EYS: variants seen among roughly 807,000 people sequenced by gnomAD.
The protein encoded by EYS is EGF-like photoreceptor maintenance factor, also known as protein eyes shut homolog.
A neutral mutation model predicts 282.1 loss-of-function variants in EYS; 250 were observed. The observed-to-expected ratio is 0.89, with a 90% CI of 0.80 to 0.98. The LOEUF is 0.98. Ranked by LOEUF, EYS falls within the 50% of genes least tolerant of loss-of-function variation. The probability of loss-of-function intolerance (pLI) is 0.00; values close to 1 mark genes in which losing one functional copy is unlikely to be tolerated. For missense variants in EYS, 4,016 were observed against 3,709.0 expected (o/e 1.08, Z -2.15); for synonymous variants, 1,355 against 1,282.9 (o/e 1.06, Z -1.20).
intron 12 of EYS, among the ~76,000 whole-genome samples, chr6:65,268,254 TA>T (rs1767809776): frequency 6.6e-6 from 1 of 152,086 alleles, no homozygotes; most frequent in African/African-American, 2.4e-5. Flanking sequence ...CAATTTAAGA[TA>T]TTTGATTTCC....
chr6:65,619,841 T>G (rs1766397447), intron 2 of EYS, among the ~76,000 whole-genome samples: 1 of 150,852 alleles, frequency 6.6e-6, no homozygotes, highest in African/African-American at 2.4e-5. Context: ...GTTCTGTTTA[T>G]ATGCTGGATT....
At chr6:65,513,541 A>G (rs897922002) in intron 2 of EYS, among the ~76,000 whole-genome samples, 17 of 152,218 alleles carry the variant, frequency 1.1e-4, no homozygotes, top group East Asian at 3.9e-4. Flanking sequence ...AAAATCCTCA[A>G]TAAAATACTG....
rs528994670 is a variant in EYS, at chr6:64,318,052, T to C, written c.6079-10970A>G. 3.9e-5 allele frequency among the ~76,000 whole-genome samples: 6 copies of C among 152,016 alleles called. No homozygotes were observed. In the East Asian group the frequency reaches 5.8e-4, roughly 15 times the overall value. On this transcript the variant is annotated intron_variant, in intron 29 of 42. Coordinates refer to ENST00000503581, the MANE Select transcript of EYS (RefSeq NM_001142800.2). ...AGGGGGTGGGGGCCTCGGGGAGGAATAGCATTGGGAGAAATATCTAAAGTT... is the reference window on the plus strand; with the variant it reads ...AGGGGGTGGGGGCCTCGGGGAGGAACAGCATTGGGAGAAATATCTAAAGTT...
chr6:64,878,983 G>A (rs1055745270), intron 19 of EYS, among the ~76,000 whole-genome samples: 3 of 152,062 alleles, frequency 2.0e-5, no homozygotes, highest in Non-Finnish European at 2.9e-5. Flanking sequence ...CCATTAACAC[G>A]CATTTTTGTT....
chr6:63,755,272 A>ATGTTATGTAATGTT (rs1424324850), intron 41 of EYS, among the ~76,000 whole-genome samples: 11 of 151,432 alleles, frequency 7.3e-5, no homozygotes, highest in African/African-American at 2.4e-4. Context: ...GCCCATGCCT[A>ATGTTATGTAATGTT]TATCCTGTTT....
intron 35 of EYS, among the ~76,000 whole-genome samples, chr6:63,923,366 G>A (rs999854688): frequency 6.6e-6 from 1 of 152,058 alleles, no homozygotes; most frequent in African/African-American, 2.4e-5. Flanking sequence ...GTAAGTTAAC[G>A]TGTAAAAGTT....
chr6:64,301,570 A>G (rs1308905009), intron 30 of EYS, among the ~76,000 whole-genome samples: 1 of 152,194 alleles, frequency 6.6e-6, no homozygotes, highest in African/African-American at 2.4e-5. Flanking sequence ...GGCTTCAGAC[A>G]ATGCAATCAG....
chr6:63,819,905 CTTTCA>C, intron 36 of EYS, among the ~76,000 whole-genome samples: 1 of 152,256 alleles, frequency 6.6e-6, no homozygotes. Context: ...ACTAGTCCCC[CTTTCA>C]TCCCTGGGAT....
chr6:64,303,410 T>C (rs529722188), intron 30 of EYS, among the ~76,000 whole-genome samples: 4 of 152,296 alleles, frequency 2.6e-5, no homozygotes, highest in Middle Eastern at 3.4e-3. Context: ...GGCCTGTTGC[T>C]ACACACATCT....
intron 13 of EYS, among the ~76,000 whole-genome samples, chr6:65,007,620 C>G (rs1771722299): frequency 6.6e-6 from 1 of 152,042 alleles, no homozygotes; most frequent in Middle Eastern, 3.2e-3. Context: ...ACCTCCCTAC[C>G]CCAGTGTCCC....
rs1160647824 is a variant in EYS, at chr6:63,806,279, T to C, written c.7322A>G (p.His2441Arg). Residue 2441 changes from histidine to arginine, a missense_variant, in exon 37 of 43, where the codon CAT (histidine) becomes CGT (arginine). Transcript: ENST00000503581. ...AYSRISDISF[H>R]YEFHLKFQLA... ...CTGAAACTTCAGGTGGAATTCATAATGGAAGCTGATGTCTGAGATCCGTGA... is the reference window on the plus strand; with the variant it reads ...CTGAAACTTCAGGTGGAATTCATAACGGAAGCTGATGTCTGAGATCCGTGA... 17 of 1,551,686 alleles carry C rather than the reference T, an allele frequency of 1.1e-5. No homozygotes were observed. Among genetic ancestry groups the C allele is most frequent in the African/African-American group, 1.4e-5 (1 of 73,176 alleles).
chr6:64,391,217 G>C (rs1251804026), intron 28 of EYS, among the ~76,000 whole-genome samples: 1 of 151,814 alleles, frequency 6.6e-6, no homozygotes, highest in Non-Finnish European at 1.5e-5. Context: ...TATTATCCAG[G>C]AGAACTTCCC....
chr6:65,537,353 A>T (rs1008374642), intron 2 of EYS, among the ~76,000 whole-genome samples: 2 of 152,162 alleles, frequency 1.3e-5, no homozygotes, highest in Non-Finnish European at 2.9e-5. Flanking sequence ...TAATAATAAA[A>T]AATCATGCTA....
intron 39 of EYS, chr6:63,779,346 CG>C (rs1320306506): frequency 1.3e-5 from 2 of 150,816 alleles, no homozygotes; most frequent in African/African-American, 4.9e-5. Flanking sequence ...CCCAGCTACT[CG>C]GGAGGCTGAG....
chr6:65,032,669 A>C (rs921472865), intron 13 of EYS, among the ~76,000 whole-genome samples: 4 of 151,944 alleles, frequency 2.6e-5, no homozygotes, highest in East Asian at 3.9e-4. Flanking sequence ...CTAATGAAAT[A>C]TCTCTCTCTT....
At chr6:65,012,654 C>T (rs1457574119) in intron 13 of EYS, among the ~76,000 whole-genome samples, 1 of 151,026 alleles carries the variant, frequency 6.6e-6, no homozygotes, top group African/African-American at 2.5e-5. Flanking sequence ...GTTCTGACCA[C>T]AAGAAAAATA....
At chr6:65,455,166 T>C (rs932013655) in intron 5 of EYS, among the ~76,000 whole-genome samples, 3 of 152,152 alleles carry the variant, frequency 2.0e-5, no homozygotes, top group African/African-American at 7.2e-5. Flanking sequence ...TCTGTCCTCT[T>C]TGATTTCTTT....
At chr6:65,459,943 G>A (rs1299509489) in intron 5 of EYS, among the ~76,000 whole-genome samples, 9 of 128,708 alleles carry the variant, frequency 7.0e-5, no homozygotes, top group African/African-American at 1.9e-4. Context: ...TTTCTGGTGC[G>A]TGTGTGTGTG....
chr6:65,041,984 A>C (rs1561936428), intron 13 of EYS, among the ~76,000 whole-genome samples: 2 of 151,638 alleles, frequency 1.3e-5, no homozygotes, highest in Non-Finnish European at 3.0e-5. Context: ...AATTGTCTCT[A>C]TCTGTAACAA....
Sources: allele counts gnomAD v4.1 joint callset (sites outside exome capture counted in the v4.1 genomes callset), GRCh38; gene constraint gnomAD v4.1.1; transcripts MANE v1.5; gene names NCBI Gene and HGNC (gene_info 2026-07-23, HGNC 2026-07-21).